MAPK7: variants seen among roughly 807,000 people sequenced by gnomAD.
MAPK7 encodes mitogen-activated protein kinase 7, also known as BMK-1.
A neutral mutation model predicts 56.9 loss-of-function variants in MAPK7; 30 were observed. The ratio of observed to expected loss-of-function variants is 0.53; its 90% confidence interval spans 0.39 to 0.72. The LOEUF is 0.72. Among genes scored for constraint, MAPK7 ranks in the 30% least tolerant of loss-of-function variants. The probability of loss-of-function intolerance (pLI) is 0.00; values close to 1 mark genes in which losing one functional copy is unlikely to be tolerated. For missense variants in MAPK7, 952 were observed against 1,110.8 expected, an observed-to-expected ratio of 0.86 and a Z score of 2.03; for synonymous variants, 516 against 449.3, an observed-to-expected ratio of 1.15 and a Z score of -1.88.
intron 3 of MAPK7, 169 bp from the exon 4 acceptor site, chr17:19,380,436 CGTA>C (rs1567919363): frequency 7.1e-7 from 1 of 1,407,204 alleles, no homozygotes; most frequent in East Asian, 2.6e-5. Context: ...ATGGAAAAGT[CGTA>C]GAGAATCTAA....
chr17:19,382,780 T>G, intron 5 of MAPK7, 33 bp from the exon 6 acceptor site: 1 of 1,610,182 alleles, frequency 6.2e-7, no homozygotes, highest in Non-Finnish European at 8.5e-7. Context: ...CAGACCTCAG[T>G]CTGTCTGCAT....
rs201185415 is a variant in MAPK7 at position 19,381,438 on chromosome 17, G to T, written c.1229G>T (p.Ser410Ile). 7.4e-6 allele frequency: 12 copies of T among 1,614,110 alleles called. No homozygotes were observed. In the East Asian group the frequency reaches 1.3e-4, roughly 18 times the overall value. ...RFQPSLQPVA[S>I]EPGCPDVEMP... ...CAGCCTTCTCTACAGCCTGTGGCTA[G>T]TGAGCCTGGCTGTCCAGATGTTGAA... Residue 410 changes from serine (S) to isoleucine (I), a missense_variant, in exon 4 of 7, where the codon AGT becomes ATT. Physicochemically the swap from Ser to Ile is moderately radical, Grantham distance 142. Around this residue, in one of 5 missense-constraint regions of MAPK7, gnomAD observed 429 missense variants for 533.0 expected, o/e 0.80. Coordinates refer to ENST00000395604, the MANE Select transcript of MAPK7 (RefSeq NM_002749.4). The surrounding 1 kb of genome is among the most constrained non-coding windows in gnomAD (Gnocchi z 4.6).
In MAPK7 at chr17:19,382,343, C is replaced by G. The variant is rs1567923185; in HGVS notation, c.2040C>G (p.Thr680=). 2 of 1,613,468 alleles carry G rather than the reference C, an allele frequency of 1.2e-6. No homozygotes were observed. Among genetic ancestry groups the G allele is most frequent in the Non-Finnish European group, 1.7e-6 (2 of 1,180,022 alleles). The change falls in exon 5 of 7, where the codon ACC becomes ACG. Residue 680 remains threonine (T), a synonymous_variant. Transcript: ENST00000395604. ...VPPPGLPGSS[T]PGVLPYFPPG... ...CCCCTGGGCTGCCTGGCTCCAGCAC[C>G]CCAGGAGTTTTGCCTTACTTCCCAC...
Position 19,378,746 on chromosome 17 carries a change from G to A in MAPK7, c.-6+116G>A. 1 of 1,312,342 alleles carries A rather than the reference G, an allele frequency of 7.6e-7. No individual in the cohort carries two copies. The highest frequency in any genetic ancestry group is 1.0e-6 in the Non-Finnish European group (1 of 992,838). 81.3% of individuals were successfully genotyped at this position (1,312,342 alleles called of 1,614,324 possible). A position where few individuals can be genotyped will look rare whatever the true frequency, so the allele number is the denominator to read the frequency against. The stretch of plus-strand genomic sequence containing the variant: ...CCCCCGGCTCTGGGCCCGGACCCCT[G>A]GGGTAGCTAGTCTGCCACGAACCAG... On this transcript the variant is annotated intron_variant, in intron 1 of 6. Coordinates refer to ENST00000395604, the MANE Select transcript of MAPK7 (RefSeq NM_002749.4). The surrounding 1 kb of genome is among the most constrained non-coding windows in gnomAD (Gnocchi z 5.4).
In MAPK7 at chr17:19,383,478, A is replaced by C. The variant is rs1319471918; in HGVS notation, c.*247A>C. The C allele has an allele frequency of 6.0e-6, 2 of 331,254 alleles. No homozygotes were observed. The highest frequency in any genetic ancestry group is 1.1e-5 in the Non-Finnish European group (2 of 185,222). 20.5% of individuals were successfully genotyped at this position (331,254 alleles called of 1,614,324 possible). On this transcript the variant is annotated 3_prime_UTR_variant, in exon 7 of 7. Transcript: ENST00000395604. ...ATTATATTTTTATTATTATTATGTT[A>C]TTATTACACTGTCTTTTTGCCATCA...
chr17:19,380,580 A>C (rs1331856771), intron 3 of MAPK7, 28 bp from the exon 4 acceptor site: 1 of 1,568,758 alleles, frequency 6.4e-7, no homozygotes, highest in South Asian at 1.2e-5. Context: ...AGGCCAACCC[A>C]TGCTTCTCTC....
rs781405144 is a variant in MAPK7, at chr17:19,381,406, C to T, written c.1197C>T (p.Ile399=). Residue 399 remains isoleucine (I), a synonymous_variant, in exon 4 of 7, where the codon ATC becomes ATT. Transcript: ENST00000395604. The surrounding 1 kb of genome is among the most constrained non-coding windows in gnomAD (Gnocchi z 4.6). Reference sequence around the variant, plus strand: ...GGCGTGAGGGCATCCGCCAACAGATCCGCTTCCAGCCTTCTCTACAGCCTG... The same window carrying T: ...GGCGTGAGGGCATCCGCCAACAGATTCGCTTCCAGCCTTCTCTACAGCCTG... The part of the protein sequence containing the change: ...HARREGIRQQ[I]RFQPSLQPVA... 4 of 1,614,206 alleles carry T rather than the reference C, an allele frequency of 2.5e-6. No individual in the cohort carries two copies. In the Admixed American group the frequency reaches 6.7e-5, roughly 27 times the overall value.
Position 19,381,520 on chromosome 17 carries a change from C to T in MAPK7, c.1311C>T (p.Ala437=). 2 of 1,613,798 alleles carry T rather than the reference C, an allele frequency of 1.2e-6. No individual in the cohort carries two copies. The highest frequency in any genetic ancestry group is 8.5e-7 in the Non-Finnish European group (1 of 1,179,962). Residue 437 remains alanine (A), a synonymous_variant, in exon 4 of 7, where the codon GCC becomes GCT. Coordinates refer to ENST00000395604, the MANE Select transcript of MAPK7 (RefSeq NM_002749.4). This position sits in a 1 kb window ranked among gnomAD's most constrained non-coding sequence, Gnocchi z 4.6. ...GDCAMESPPP[A]PPPCPGPAPD... ...GTGCCATGGAGTCTCCACCACCAGC[C>T]CCGCCACCATGCCCCGGCCCTGCAC...
Position 19,380,849 on chromosome 17 carries a change from C to G in MAPK7, c.640C>G (p.His214Asp), listed in dbSNP as rs376919837. Residue 214 changes from histidine to aspartate, a missense_variant, in exon 4 of 7, where the codon CAT (histidine) becomes GAT (aspartate). Physicochemically the swap from His to Asp is moderately conservative, Grantham distance 81. This residue lies in a region of MAPK7 where 429 missense variants were observed against 533.0 expected (regional missense o/e 0.80). Transcript: ENST00000395604. The part of the protein sequence containing the change: ...ARGLCTSPAE[H>D]QYFMTEYVAT... ...TGGCCTGTGCACCTCGCCCGCTGAA[C>G]ATCAGTACTTCATGACTGAGTATGT... The G allele has an allele frequency of 1.9e-6, 3 of 1,613,954 alleles. No individual in the cohort carries two copies. Among genetic ancestry groups the G allele is most frequent in the East Asian group, 4.5e-5 (2 of 44,868 alleles).
At chr17:19,379,527 C>G (rs575907781) in intron 2 of MAPK7, 5 of 568,192 alleles carry the variant, frequency 8.8e-6, no homozygotes, top group Non-Finnish European at 1.6e-5. Flanking sequence ...TCCGTGCAAC[C>G]TCCAACAAGT....
chr17:19,378,744 C>G lies in MAPK7; in HGVS notation c.-6+114C>G, dbSNP rs1216200168. On this transcript the variant is annotated intron_variant, in intron 1 of 6. Coordinates refer to ENST00000395604, the MANE Select transcript of MAPK7 (RefSeq NM_002749.4). The surrounding 1 kb of genome is among the most constrained non-coding windows in gnomAD (Gnocchi z 5.4). ...GGCCCCCGGCTCTGGGCCCGGACCC[C>G]TGGGGTAGCTAGTCTGCCACGAACC... 2 of 1,326,526 alleles carry G rather than the reference C, an allele frequency of 1.5e-6. No homozygotes were observed. The allele number at this position is 1,326,526 out of a possible 1,614,324, so 82.2% of individuals were successfully genotyped here.
intron 3 of MAPK7, 91 bp from the exon 4 acceptor site, chr17:19,380,517 G>T (rs772709176): frequency 3.2e-5 from 48 of 1,503,034 alleles, no homozygotes; most frequent in Middle Eastern, 1.8e-4. Flanking sequence ...GCTGTTACCT[G>T]TCTGGAATCG....
Position 19,383,139 on chromosome 17 carries a change from A to T in MAPK7, c.2359A>T (p.Met787Leu), listed in dbSNP as rs755895662. ...TGCTGACTGGCTCGAAGGCCATGGC[A>T]TGAACCCTGCCGATATTGAGTCCCT... ...LLADWLEGHG[M>L]NPADIESLQR... Residue 787 changes from methionine (M) to leucine (L), a missense_variant, in exon 7 of 7, where the codon ATG (methionine) becomes TTG (leucine). Transcript: ENST00000395604. 4 of 1,614,040 alleles carry T rather than the reference A, an allele frequency of 2.5e-6. No homozygotes were observed. In the Middle Eastern group the frequency reaches 4.9e-4, roughly 200 times the overall value.
Position 19,379,880 on chromosome 17 carries a change from C to G in MAPK7, c.331C>G (p.His111Asp). The G allele has an allele frequency of 6.2e-7, 1 of 1,614,248 alleles. No homozygotes were observed. The highest frequency in any genetic ancestry group is 8.5e-7 in the Non-Finnish European group (1 of 1,180,042). The change falls in exon 3 of 7, where the codon CAC (histidine) becomes GAC (aspartate). Residue 111 changes from histidine to aspartate, a missense_variant. Physicochemically the swap from His to Asp is moderately conservative, Grantham distance 81. Around this residue, in one of 5 missense-constraint regions of MAPK7, gnomAD observed 213 missense variants for 243.2 expected, o/e 0.88. Transcript: ENST00000395604. The part of the protein sequence containing the change: ...RELKILKHFK[H>D]DNIIAIKDIL... ...GCTGAAGATCCTCAAGCACTTTAAACACGACAACATCATCGCCATCAAGGA... is the reference window on the plus strand; with the variant it reads ...GCTGAAGATCCTCAAGCACTTTAAAGACGACAACATCATCGCCATCAAGGA...
rs369748158 is a variant in MAPK7, at chr17:19,379,922, G to A, written c.373G>A (p.Val125Met). 95 of 1,613,986 alleles carry A rather than the reference G, an allele frequency of 5.9e-5. No homozygotes were observed. The highest frequency in any genetic ancestry group is 7.3e-5 in the Non-Finnish European group (86 of 1,180,006). Residue 125 changes from valine to methionine, a missense_variant, in exon 3 of 7, where the codon GTG (valine) becomes ATG (methionine). Physicochemically the swap from Val to Met is conservative, Grantham distance 21. Transcript: ENST00000395604. ...CATCAAGGACATCCTGAGGCCCACC[G>A]TGCCCTATGGCGAATTCAAATCTGT... is the stretch of plus-strand genomic sequence containing the variant. Reference protein sequence around the residue: ...IAIKDILRPTVPYGEFKSVYV... With the variant: ...IAIKDILRPTMPYGEFKSVYV...
Position 19,382,163 on chromosome 17 carries a change from T to A in MAPK7, c.1860T>A (p.Ser620=). 1 of 1,611,966 alleles carries A rather than the reference T, an allele frequency of 6.2e-7. No homozygotes were observed. Among genetic ancestry groups the A allele is most frequent in the Non-Finnish European group, 8.5e-7 (1 of 1,179,576 alleles). ...AGCCCACTGGCCCGCAACCACAATC[T>A]GCGGGCTCTACCTCTGGCCCTGTAC... ...VAQPTGPQPQ[S]AGSTSGPVPQ... Residue 620 remains serine (S), a synonymous_variant, in exon 5 of 7, where the codon TCT becomes TCA. Transcript: ENST00000395604.
rs1347996291 is a variant in MAPK7 at position 19,380,624 on chromosome 17, C to T, written c.415C>T (p.Leu139=). The change falls in exon 4 of 7, where the codon CTG becomes TTG. Residue 139 remains leucine, a synonymous_variant. Transcript: ENST00000395604. ...EFKSVYVVLD[L]MESDLHQIIH... is the part of the protein sequence containing the mutation. Reference sequence around the variant, plus strand: ...CCCTTCCAGCTACGTGGTCCTGGACCTGATGGAAAGCGACCTGCACCAGAT... The same window carrying T: ...CCCTTCCAGCTACGTGGTCCTGGACTTGATGGAAAGCGACCTGCACCAGAT... 1 of 1,603,768 alleles carries T rather than the reference C, an allele frequency of 6.2e-7. No individual in the cohort carries two copies. The highest frequency in any genetic ancestry group is 2.2e-5 in the East Asian group (1 of 44,660).
chr17:19,378,557 C>G lies in MAPK7; in HGVS notation c.-79C>G. On this transcript the variant is annotated 5_prime_UTR_variant, in exon 1 of 7. Transcript: ENST00000395604. This position sits in a 1 kb window ranked among gnomAD's most constrained non-coding sequence, Gnocchi z 5.4. The stretch of plus-strand genomic sequence containing the variant: ...CCTTTGAACAAGTAAGTGAGCCACC[C>G]TCGGAGACCCCCGCGCTGGGGACGG... 1 of 1,192,684 alleles carries G rather than the reference C, an allele frequency of 8.4e-7. No homozygotes were observed. The highest frequency in any genetic ancestry group is 2.2e-5 in the South Asian group (1 of 44,676). 73.9% of individuals were successfully genotyped at this position (1,192,684 alleles called of 1,614,324 possible). A position where few individuals can be genotyped will look rare whatever the true frequency, so the allele number is the denominator to read the frequency against.
At chr17:19,377,929 G>C (rs1468430264), upstream of MAPK7, 3 of 985,308 alleles carry the variant, frequency 3.0e-6, no homozygotes, top group African/African-American at 5.2e-5. Context: ...GCCACCGGAA[G>C]TCAGTGGAGG....
Sources: allele counts gnomAD v4.1 joint callset, GRCh38; gene constraint gnomAD v4.1.1; regional missense constraint gnomAD v4.1.1; non-coding constraint Gnocchi (gnomAD v3.1); transcripts MANE v1.5; gene names NCBI Gene and HGNC (gene_info 2026-07-23, HGNC 2026-07-21).